Variants in UVRAG observed in about 807,000 individuals in gnomAD.
The protein encoded by UVRAG is UV radiation resistance-associated gene protein.
A neutral mutation model predicts 78.0 loss-of-function variants in UVRAG; 19 were observed. The ratio of observed to expected loss-of-function variants is 0.24; its 90% confidence interval spans 0.17 to 0.36. UVRAG has a LOEUF of 0.36. UVRAG is among the 10% of genes least tolerant of loss of function. UVRAG has a pLI of 1.00. For synonymous variants in UVRAG, 323 were observed against 324.6 expected, an observed-to-expected ratio of 1.00 and a Z score of 0.05; for missense variants, 740 against 853.8, an observed-to-expected ratio of 0.87 and a Z score of 1.66.
intron 5 of UVRAG, among the ~76,000 whole-genome samples, chr11:75,905,217 C>G (rs1004243914): frequency 3.9e-5 from 6 of 152,054 alleles, no homozygotes; most frequent in African/African-American, 1.4e-4. Context: ...AAGACTGTCT[C>G]CTCTGTCCTT....
At chr11:75,901,415 C>G (rs1436977316) in intron 5 of UVRAG, among the ~76,000 whole-genome samples, 4 of 152,124 alleles carry the variant, frequency 2.6e-5, no homozygotes, top group Admixed American at 6.5e-5. Context: ...CAGATAAACA[C>G]CTCCAGTCTA....
intron 12 of UVRAG, among the ~76,000 whole-genome samples, chr11:76,059,077 C>A (rs989407510): frequency 3.9e-5 from 6 of 152,152 alleles, no homozygotes; most frequent in African/African-American, 1.4e-4. Context: ...TGAAGCAGGG[C>A]TGAGAAGTGA....
intron 5 of UVRAG, among the ~76,000 whole-genome samples, chr11:75,890,656 T>A (rs1489769974): frequency 6.6e-6 from 1 of 150,786 alleles, no homozygotes; most frequent in Non-Finnish European, 1.5e-5. Context: ...GATCTATGAG[T>A]CTGAAGTTCA....
chr11:75,941,405 C>T (rs905762891), intron 6 of UVRAG, among the ~76,000 whole-genome samples: 1 of 152,046 alleles, frequency 6.6e-6, no homozygotes. Flanking sequence ...TAAAGTTACT[C>T]ATTACTACAG....
intron 7 of UVRAG, among the ~76,000 whole-genome samples, chr11:75,978,516 A>G (rs1303241334): frequency 6.6e-6 from 1 of 152,164 alleles, no homozygotes; most frequent in Non-Finnish European, 1.5e-5. Flanking sequence ...AATCAGACAT[A>G]GATTTGGTCT....
At chr11:75,975,987 GATATT>G (rs1949229953) in intron 7 of UVRAG, among the ~76,000 whole-genome samples, 1 of 152,168 alleles carries the variant, frequency 6.6e-6, no homozygotes, top group African/African-American at 2.4e-5. Context: ...CATTCAGTAT[GATATT>G]GGCTGTGGGT....
At chr11:75,905,347 G>A (rs928435259) in intron 5 of UVRAG, among the ~76,000 whole-genome samples, 2 of 151,964 alleles carry the variant, frequency 1.3e-5, no homozygotes, top group Admixed American at 6.6e-5. Context: ...AGTGGCTCTG[G>A]GTACATTCAC....
chr11:75,909,208 G>A (rs760965342), intron 5 of UVRAG, among the ~76,000 whole-genome samples: 11 of 152,062 alleles, frequency 7.2e-5, no homozygotes, highest in Non-Finnish European at 1.0e-4. Context: ...TTAGCTGGGC[G>A]TGGTGGTGCA....
At chr11:75,961,700 T>C in intron 7 of UVRAG, 151 bp downstream of exon 7, 1 of 582,772 alleles carries the variant, frequency 1.7e-6, no homozygotes. Context: ...ATGTTGGAAA[T>C]AAACTTTCCC....
chr11:76,065,871 A>G (rs1951175180), intron 13 of UVRAG, 83 bp downstream of exon 13: 1 of 1,277,072 alleles, frequency 7.8e-7, no homozygotes, highest in Middle Eastern at 1.9e-4. Context: ...CTTTATAAAT[A>G]TGCACTGCAG....
intron 12 of UVRAG, among the ~76,000 whole-genome samples, chr11:76,025,101 A>G (rs1272719322): frequency 6.6e-6 from 1 of 152,124 alleles, no homozygotes. Context: ...ACAGGCCTGG[A>G]CTGATGCCTT....
At chr11:75,898,474 C>T (rs1947403331) in intron 5 of UVRAG, among the ~76,000 whole-genome samples, 1 of 152,012 alleles carries the variant, frequency 6.6e-6, no homozygotes, top group Non-Finnish European at 1.5e-5. Flanking sequence ...CTTTGTAATA[C>T]CAGGCTCAGT....
intron 1 of UVRAG, among the ~76,000 whole-genome samples, chr11:75,830,206 C>G (rs1392478607): frequency 6.6e-6 from 1 of 152,054 alleles, no homozygotes; most frequent in Non-Finnish European, 1.5e-5. Flanking sequence ...ACTTCTTTCT[C>G]CAACTTCTGT....
chr11:76,060,488 C>T (rs565656098), intron 12 of UVRAG, among the ~76,000 whole-genome samples: 52 of 152,376 alleles, frequency 3.4e-4, no homozygotes, highest in African/African-American at 1.1e-3. Flanking sequence ...TTCAGCCCAC[C>T]GCTGCACTGT....
intron 3 of UVRAG, among the ~76,000 whole-genome samples, chr11:75,872,254 G>A (rs1163660967): frequency 6.6e-6 from 1 of 152,064 alleles, no homozygotes; most frequent in Non-Finnish European, 1.5e-5. Flanking sequence ...AACAAGTCAA[G>A]GTTATCATGA....
chr11:75,880,574 C>T (rs1269352697), intron 4 of UVRAG, among the ~76,000 whole-genome samples: 8 of 151,836 alleles, frequency 5.3e-5, no homozygotes, highest in African/African-American at 1.9e-4. Flanking sequence ...TTTTTTGAGA[C>T]GAAGTTTCAC....
At chr11:75,856,859 A>T (rs558921456) in intron 2 of UVRAG, among the ~76,000 whole-genome samples, 2 of 152,222 alleles carry the variant, frequency 1.3e-5, no homozygotes, top group East Asian at 3.9e-4. Context: ...CTTAAACTTG[A>T]TATGTTCAAA....
intron 13 of UVRAG, among the ~76,000 whole-genome samples, chr11:76,111,220 A>G (rs531643308): frequency 6.6e-6 from 1 of 152,318 alleles, no homozygotes; most frequent in East Asian, 1.9e-4. Flanking sequence ...AAATTTAGAA[A>G]ACTTCAAATA....
intron 12 of UVRAG, among the ~76,000 whole-genome samples, chr11:76,053,135 A>G (rs1195151654): frequency 1.3e-5 from 2 of 151,458 alleles, no homozygotes; most frequent in African/African-American, 4.9e-5. Context: ...GCGAAACCCC[A>G]TCTCTACTAA....
Sources: allele counts gnomAD v4.1 joint callset (sites outside exome capture counted in the v4.1 genomes callset), GRCh38; gene constraint gnomAD v4.1.1; transcripts MANE v1.5; gene names NCBI Gene and HGNC (gene_info 2026-07-23, HGNC 2026-07-21).